The following RYR3 variants were observed in gnomAD, a reference collection of about 807,000 sequenced individuals.
RYR3 encodes the protein brain ryanodine receptor-calcium release channel.
RYR3 carries 207 observed loss-of-function variants against 584.3 expected under a neutral mutation model. The observed-to-expected ratio is 0.35, with a 90% CI of 0.32 to 0.40. The LOEUF (loss-of-function observed/expected upper bound fraction) is 0.40. Ranked by LOEUF, RYR3 falls within the 10% of genes least tolerant of loss-of-function variation. The pLI is 1.00. For missense variants in RYR3, 5,616 were observed against 6,089.2 expected, an observed-to-expected ratio of 0.92 and a Z score of 2.59; for synonymous variants, 2,416 against 2,248.5, an observed-to-expected ratio of 1.07 and a Z score of -2.11.
At chr15:33,512,102 T>C (rs929420213) in intron 3 of RYR3, among the ~76,000 whole-genome samples, 6 of 152,270 alleles carry the variant, frequency 3.9e-5, no homozygotes, top group Admixed American at 3.3e-4. Flanking sequence ...AAGCCTCTCT[T>C]GTTTGCTCTG....
intron 1 of RYR3, among the ~76,000 whole-genome samples, chr15:33,433,254 A>G (rs2045358515): frequency 6.6e-6 from 1 of 152,164 alleles, no homozygotes; most frequent in Non-Finnish European, 1.5e-5. Flanking sequence ...CTCCCACAGG[A>G]AAGTCATTGT....
chr15:33,466,197 G>C (rs940525424), intron 1 of RYR3, among the ~76,000 whole-genome samples: 3 of 152,108 alleles, frequency 2.0e-5, no homozygotes, highest in Admixed American at 6.5e-5. Flanking sequence ...GGAGAGTACA[G>C]GTAAAGAAGA....
chr15:33,722,656 G>C, intron 43 of RYR3, 59 bp from the exon 44 acceptor site: 1 of 1,498,906 alleles, frequency 6.7e-7, no homozygotes, highest in Non-Finnish European at 9.3e-7. Flanking sequence ...TCATCAACTA[G>C]AAATAAATTC....
chr15:33,624,428 G>T (rs1275215782), intron 20 of RYR3, among the ~76,000 whole-genome samples: 1 of 152,204 alleles, frequency 6.6e-6, no homozygotes. Context: ...TGTGTGGTAA[G>T]GGTGGAATTC....
intron 43 of RYR3, among the ~76,000 whole-genome samples, chr15:33,721,648 T>A (rs1052808437): frequency 1.1e-4 from 16 of 152,302 alleles, no homozygotes; most frequent in Non-Finnish European, 1.9e-4. Context: ...GTACCTCTTA[T>A]GATTTTGTAG....
intron 19 of RYR3, among the ~76,000 whole-genome samples, chr15:33,613,586 G>T (rs1273936511): frequency 1.3e-5 from 2 of 152,190 alleles, no homozygotes; most frequent in African/African-American, 4.8e-5. Flanking sequence ...TATGTACTCA[G>T]ATAAACAGTA....
rs759493977 is a variant in RYR3, at chr15:33,696,368, A to G, written c.6011A>G (p.Tyr2004Cys). 2 of 1,613,904 alleles carry G rather than the reference A, an allele frequency of 1.2e-6. No homozygotes were observed. The highest frequency in any genetic ancestry group is 1.7e-5 in the Admixed American group (1 of 60,018). Residue 2004 changes from tyrosine to cysteine, a missense_variant, in exon 39 of 104, where the codon TAC becomes TGC. Coordinates refer to ENST00000634891, the MANE Select transcript of RYR3 (RefSeq NM_001036.6). ...GELLQALRKT[Y>C]TISHTSVSDT... The stretch of plus-strand genomic sequence containing the variant: ...CTGCTGCAGGCGCTGCGGAAGACCT[A>G]CACCATCAGCCACACCTCTGTAAGC...
At chr15:33,759,051 G>A (rs2072162593) in intron 60 of RYR3, among the ~76,000 whole-genome samples, 2 of 152,164 alleles carry the variant, frequency 1.3e-5, no homozygotes, top group Admixed American at 1.3e-4. Context: ...GCAGCAGAGG[G>A]ACCTGACTGT....
chr15:33,808,944 G>A (rs924609061), intron 70 of RYR3, among the ~76,000 whole-genome samples: 4 of 152,118 alleles, frequency 2.6e-5, no homozygotes, highest in African/African-American at 9.7e-5. Flanking sequence ...CCAGACTAGG[G>A]TTCTGCTGGC....
At position 33,336,417 on chromosome 15, in the gene RYR3, CGAAAGAAA is replaced by C. The variant is rs1555430643; in HGVS notation, c.51+25340_51+25347del. Among the ~76,000 whole-genome samples the C allele has an allele frequency of 1.2e-3, 39 of 31,594 alleles. 4 individuals are homozygous for C. The highest frequency in any genetic ancestry group is 2.4e-3 in the South Asian group (2 of 820). The allele number at this position is 31,594 out of a possible 152,430, so 20.7% of individuals were successfully genotyped here. ...CTCCAGCCTGGGCGACAGAGCGAGA[CGAAAGAAA>C]GAAAGAAAGAAAGAAAGAGAGAGAG... On this transcript the variant is annotated intron_variant, in intron 1 of 103. Transcript: ENST00000634891.
Position 33,712,535 on chromosome 15 carries a change from C to T in RYR3, c.6619+5481C>T, listed in dbSNP as rs1349119505. Among the ~76,000 whole-genome samples the T allele has an allele frequency of 3.9e-5, 6 of 152,222 alleles. No homozygotes were observed. In the East Asian group the frequency reaches 9.6e-4, roughly 24 times the overall value. On this transcript the variant is annotated intron_variant, in intron 43 of 103. Transcript: ENST00000634891. ...TGTGTACAGTACCCATATAGAGATACCCCTAATTGAATTTGTAGGATAGAA... is the reference window on the plus strand; with the variant it reads ...TGTGTACAGTACCCATATAGAGATATCCCTAATTGAATTTGTAGGATAGAA...
intron 1 of RYR3, among the ~76,000 whole-genome samples, chr15:33,424,882 G>T (rs1163179035): frequency 6.6e-6 from 1 of 152,174 alleles, no homozygotes; most frequent in Non-Finnish European, 1.5e-5. Context: ...GAAGGCTAAG[G>T]CAGGAAAATC....
At position 33,731,542 on chromosome 15, in the gene RYR3, C is replaced by T. The variant is rs1397084304; in HGVS notation, c.7272C>T (p.Leu2424=). 5.6e-6 allele frequency: 9 copies of T among 1,613,866 alleles called. No individual in the cohort carries two copies. The highest frequency in any genetic ancestry group is 8.5e-7 in the Non-Finnish European group (1 of 1,179,848). The change falls in exon 48 of 104, where the codon CTC becomes CTT. Residue 2424 remains leucine, a synonymous_variant. Transcript: ENST00000634891. ...NRYICSAVLP[L]LTRCAPLFAG... is the part of the protein sequence containing the mutation. ...ATATATGTTCTGCTGTGCTCCCGCT[C>T]CTCACAAGATGTGCCCCTCTCTTTG...
chr15:33,360,945 C>G (rs1974679486), intron 1 of RYR3, among the ~76,000 whole-genome samples: 1 of 152,252 alleles, frequency 6.6e-6, no homozygotes, highest in African/African-American at 2.4e-5. Flanking sequence ...TCCCTTCTCT[C>G]TGCCCCAATC....
chr15:33,442,310 A>G (rs1412356807), intron 1 of RYR3, among the ~76,000 whole-genome samples: 1 of 152,204 alleles, frequency 6.6e-6, no homozygotes, highest in African/African-American at 2.4e-5. Context: ...CCATGAATTA[A>G]TTACATTGTT....
At chr15:33,359,402 C>G (rs891351638) in intron 1 of RYR3, among the ~76,000 whole-genome samples, 1 of 152,138 alleles carries the variant, frequency 6.6e-6, no homozygotes, top group Non-Finnish European at 1.5e-5. Context: ...TGGCTTCAGC[C>G]TCAGCAGCTT....
At chr15:33,337,244 G>T (rs1417026501) in intron 1 of RYR3, among the ~76,000 whole-genome samples, 1 of 152,002 alleles carries the variant, frequency 6.6e-6, no homozygotes, top group Non-Finnish European at 1.5e-5. Context: ...TGTTAGGTCA[G>T]ATTCCTAGAG....
At chr15:33,588,223 G>C (rs2058953933) in intron 16 of RYR3, among the ~76,000 whole-genome samples, 1 of 152,166 alleles carries the variant, frequency 6.6e-6, no homozygotes, top group Non-Finnish European at 1.5e-5. Context: ...AAGAAGGCCG[G>C]AGCCTGGGTC....
intron 49 of RYR3, among the ~76,000 whole-genome samples, chr15:33,736,573 T>C (rs894179166): frequency 3.3e-5 from 5 of 152,190 alleles, no homozygotes; most frequent in African/African-American, 1.2e-4. Flanking sequence ...CTGCATTTAA[T>C]ACGAGGACTT....
Sources: allele counts gnomAD v4.1 joint callset (sites outside exome capture counted in the v4.1 genomes callset), GRCh38; gene constraint gnomAD v4.1.1; transcripts MANE v1.5; gene names NCBI Gene and HGNC (gene_info 2026-07-23, HGNC 2026-07-21).